RBFOX1: variants seen among roughly 807,000 people sequenced by gnomAD.
RBFOX1 encodes the protein RNA binding protein fox-1 homolog 1.
In RBFOX1, 8 loss-of-function variants were observed where a neutral mutation model predicts 57.7. That is an observed-to-expected ratio of 0.14 (90% confidence interval 0.08 to 0.25). The LOEUF is 0.25. Among genes scored for constraint, RBFOX1 ranks in the 10% least tolerant of loss-of-function variants. RBFOX1 has a pLI of 1.00. For synonymous variants in RBFOX1, 326 were observed against 222.4 expected (o/e 1.47, Z -4.15); for missense variants, 611 against 548.5 (o/e 1.11, Z -1.14).
intron 1 of RBFOX1, among the ~76,000 whole-genome samples, chr16:6,090,766 C>T (rs1471704744): frequency 1.3e-5 from 2 of 152,162 alleles, no homozygotes; most frequent in Non-Finnish European, 2.9e-5. Context: ...TGACTCAGTC[C>T]TCTTTCTCTT....
chr16:5,704,890 T>G lies in RBFOX1; in HGVS notation c.318+105929T>G, dbSNP rs190057069. 3.3e-5 allele frequency among the ~76,000 whole-genome samples: 5 copies of G among 152,296 alleles called. No individual in the cohort carries two copies. In the South Asian group the frequency reaches 1.0e-3, roughly 32 times the overall value. On this transcript the variant is annotated intron_variant, in intron 3 of 19. Transcript: ENST00000641259. Reference sequence around the variant, plus strand: ...AATTAGGAATGAGACTTATCGGGCTTCTTACATCATGGGGATTTAACTACC... The same window carrying G: ...AATTAGGAATGAGACTTATCGGGCTGCTTACATCATGGGGATTTAACTACC...
chr16:7,559,459 AC>A (rs1208973520), intron 5 of RBFOX1, among the ~76,000 whole-genome samples: 1 of 151,996 alleles, frequency 6.6e-6, no homozygotes, highest in Non-Finnish European at 1.5e-5. Flanking sequence ...CCTGCCTCCA[AC>A]CCCAACCCCA....
chr16:5,774,422 G>A (rs1188375194), intron 3 of RBFOX1, among the ~76,000 whole-genome samples: 3 of 152,202 alleles, frequency 2.0e-5, no homozygotes, highest in Non-Finnish European at 4.4e-5. Context: ...TATTTTCACA[G>A]AGGCAGTATT....
At chr16:6,346,316 C>T (rs540164959) in intron 2 of RBFOX1, among the ~76,000 whole-genome samples, 13 of 152,290 alleles carry the variant, frequency 8.5e-5, no homozygotes, top group Admixed American at 4.6e-4. Flanking sequence ...TATATTTGGC[C>T]TGAGGATGCC....
intron 3 of RBFOX1, among the ~76,000 whole-genome samples, chr16:6,808,551 A>C (rs1181410346): frequency 6.6e-6 from 1 of 152,084 alleles, no homozygotes; most frequent in South Asian, 2.1e-4. Flanking sequence ...TACTCAACAA[A>C]CATTGTCTGA....
chr16:5,902,350 C>T lies in RBFOX1; in HGVS notation c.351+35015C>T, dbSNP rs1011178238. 2.6e-5 allele frequency among the ~76,000 whole-genome samples: 4 copies of T among 152,256 alleles called. No homozygotes were observed. The East Asian group carries it at 7.7e-4, about 29-fold the overall frequency. On this transcript the variant is annotated intron_variant, in intron 4 of 19. Coordinates refer to the RBFOX1 transcript ENST00000641259. ...TTGGGTGAGTCTCATCCTCTGTTTTCCCACAGAGAAATGCTCTGCTGCCTT... is the reference window on the plus strand; with the variant it reads ...TTGGGTGAGTCTCATCCTCTGTTTTTCCACAGAGAAATGCTCTGCTGCCTT...
intron 6 of RBFOX1, among the ~76,000 whole-genome samples, chr16:7,585,018 G>T (rs758457608): frequency 6.6e-6 from 1 of 152,166 alleles, no homozygotes. Flanking sequence ...ATGTTTTTGG[G>T]TTGACTGCCT....
chr16:6,714,053 G>A lies in RBFOX1; in HGVS notation c.-16+59403G>A, dbSNP rs113753844. Among the ~76,000 whole-genome samples, 167 of 152,304 alleles carry A rather than the reference G, an allele frequency of 1.1e-3. 1 individual carries two copies. Among genetic ancestry groups the A allele is most frequent in the African/African-American group, 3.8e-3 (160 of 41,564 alleles). On this transcript the variant is annotated intron_variant, in intron 3 of 15. Coordinates refer to ENST00000550418, the MANE Select transcript of RBFOX1 (RefSeq NM_018723.4). ...GGAGGAAGAGAAGTCATTGGATTGT[G>A]GGGGTGGTTTCCCCCATGCCATTCT...
intron 4 of RBFOX1, among the ~76,000 whole-genome samples, chr16:7,147,842 G>T (rs540433086): frequency 4.7e-4 from 71 of 152,278 alleles, no homozygotes; most frequent in African/African-American, 1.6e-3. Context: ...CCCAGTCATG[G>T]GATTGCTGGG....
intron 4 of RBFOX1, among the ~76,000 whole-genome samples, chr16:7,072,750 C>T (rs954364740): frequency 2.6e-5 from 4 of 152,182 alleles, no homozygotes; most frequent in Admixed American, 6.5e-5. Flanking sequence ...GCAATGGGTA[C>T]AAAGCAGCAC....
At chr16:7,703,462 G>C (rs1398424946) in intron 14 of RBFOX1, among the ~76,000 whole-genome samples, 1 of 152,144 alleles carries the variant, frequency 6.6e-6, no homozygotes, top group Non-Finnish European at 1.5e-5. Flanking sequence ...TCTGGGGTGA[G>C]AAGCATGGGG....
chr16:7,702,754 G>T (rs913352020), intron 14 of RBFOX1, among the ~76,000 whole-genome samples: 1 of 152,184 alleles, frequency 6.6e-6, no homozygotes, highest in Admixed American at 6.5e-5. Context: ...GTATGTTCCA[G>T]ATGCAGTTCC....
intron 4 of RBFOX1, among the ~76,000 whole-genome samples, chr16:7,332,249 G>A (rs144558059): frequency 5.4e-4 from 82 of 152,276 alleles, no homozygotes; most frequent in African/African-American, 1.8e-3. Context: ...TTTGTTATAT[G>A]GGACTGATAA....
chr16:5,264,834 T>G (rs1031577009), intron 1 of RBFOX1, among the ~76,000 whole-genome samples: 9 of 152,120 alleles, frequency 5.9e-5, no homozygotes, highest in African/African-American at 1.7e-4. Context: ...GCAACCCCCA[T>G]TAGCCTTAGT....
intron 13 of RBFOX1, among the ~76,000 whole-genome samples, chr16:7,676,209 A>G (rs1399290501): frequency 6.6e-6 from 1 of 152,202 alleles, no homozygotes; most frequent in African/African-American, 2.4e-5. Flanking sequence ...CATTTTTGTA[A>G]TAATTGTGTA....
intron 1 of RBFOX1, among the ~76,000 whole-genome samples, chr16:6,089,078 A>AAAT (rs1555503294): frequency 1.4e-4 from 19 of 137,718 alleles, no homozygotes; most frequent in South Asian, 7.2e-4. Context: ...AAAAAAAAAA[A>AAAT]ATATATATAT....
intron 5 of RBFOX1, among the ~76,000 whole-genome samples, chr16:7,532,146 TCA>T (rs1567696107): frequency 6.8e-6 from 1 of 147,650 alleles, no homozygotes. Flanking sequence ...TTTTTTTTTT[TCA>T]CTAAGAAAAG....
At chr16:7,431,094 A>G (rs1366965857) in intron 4 of RBFOX1, 1 of 152,176 alleles carries the variant, frequency 6.6e-6, no homozygotes, top group Non-Finnish European at 1.5e-5. Flanking sequence ...CCATAACAAC[A>G]ACCTCAAACC....
At chr16:6,546,329 G>C (rs1028178934) in intron 2 of RBFOX1, among the ~76,000 whole-genome samples, 2 of 152,184 alleles carry the variant, frequency 1.3e-5, no homozygotes, top group African/African-American at 4.8e-5. Context: ...TTGTAAGATA[G>C]GGTATTAGTT....
Sources: allele counts gnomAD v4.1 joint callset (sites outside exome capture counted in the v4.1 genomes callset), GRCh38; gene constraint gnomAD v4.1.1; transcripts MANE v1.5; gene names NCBI Gene and HGNC (gene_info 2026-07-23, HGNC 2026-07-21).